NFKB1: variants seen among roughly 807,000 people sequenced by gnomAD.
The protein encoded by NFKB1 is nuclear factor NF-kappa-B p105 subunit.
In NFKB1, 9 loss-of-function variants were observed where a neutral mutation model predicts 105.1. The ratio of observed to expected loss-of-function variants is 0.09; its 90% confidence interval spans 0.05 to 0.15. The LOEUF (loss-of-function observed/expected upper bound fraction) is 0.15, where lower values mean the gene tolerates loss of function less well. Ranked by LOEUF, NFKB1 falls within the 10% of genes least tolerant of loss-of-function variation. NFKB1 has a pLI of 1.00. For synonymous variants in NFKB1, 440 were observed against 442.2 expected (o/e 1.00, Z 0.06); for missense variants, 830 against 1,203.7 (o/e 0.69, Z 4.59).
At chr4:102,524,054 A>G (rs1048332621) in intron 1 of NFKB1, among the ~76,000 whole-genome samples, 2 of 152,066 alleles carry the variant, frequency 1.3e-5, no homozygotes, top group African/African-American at 4.8e-5. Context: ...AAATAACCCC[A>G]GGAATTAATA....
intron 7 of NFKB1, chr4:102,578,092 A>C: frequency 8.7e-6 from 5 of 573,668 alleles, no homozygotes; most frequent in Non-Finnish European, 1.1e-5. Flanking sequence ...ATGATTTCTC[A>C]CTTTCCTGCC....
intron 3 of NFKB1, 55 bp from the exon 4 acceptor site, chr4:102,533,790 A>C: frequency 6.8e-7 from 1 of 1,480,760 alleles, no homozygotes; most frequent in South Asian, 1.2e-5. Context: ...TTTTATACCA[A>C]ATTTGAGAAG....
At chr4:102,599,343 C>CA (rs1162628391) in intron 15 of NFKB1, among the ~76,000 whole-genome samples, 4 of 152,152 alleles carry the variant, frequency 2.6e-5, no homozygotes, top group Non-Finnish European at 5.9e-5. Flanking sequence ...TCTCAAGTAG[C>CA]AAAATCACAA....
At chr4:102,585,325 G>A (rs1347145991) in intron 11 of NFKB1, among the ~76,000 whole-genome samples, 1 of 152,126 alleles carries the variant, frequency 6.6e-6, no homozygotes, top group Non-Finnish European at 1.5e-5. Context: ...ATTATTTTGA[G>A]GTCATGGAAT....
At chr4:102,507,582 G>A (rs999479275) in intron 1 of NFKB1, among the ~76,000 whole-genome samples, 1 of 152,034 alleles carries the variant, frequency 6.6e-6, no homozygotes, top group Non-Finnish European at 1.5e-5. Flanking sequence ...GATTACAGGC[G>A]TGAGCCACCT....
intron 16 of NFKB1, among the ~76,000 whole-genome samples, chr4:102,602,481 A>G (rs974460864): frequency 1.3e-5 from 2 of 151,728 alleles, no homozygotes; most frequent in South Asian, 2.1e-4. Context: ...TGAGCTTGCA[A>G]TGAGGCGAGA....
chr4:102,542,224 T>C (rs1200475336), intron 5 of NFKB1, among the ~76,000 whole-genome samples: 1 of 152,176 alleles, frequency 6.6e-6, no homozygotes, highest in Non-Finnish European at 1.5e-5. Flanking sequence ...TAGGCTAGCT[T>C]ACAGACCCTC....
At chr4:102,562,047 G>A (rs755119206) in intron 5 of NFKB1, among the ~76,000 whole-genome samples, 12 of 152,142 alleles carry the variant, frequency 7.9e-5, no homozygotes, top group Non-Finnish European at 1.6e-4. Context: ...GGGAAGTGGA[G>A]GAACAACCTG....
intron 15 of NFKB1, among the ~76,000 whole-genome samples, chr4:102,600,548 G>A (rs972235957): frequency 6.6e-6 from 1 of 152,122 alleles, no homozygotes; most frequent in Non-Finnish European, 1.5e-5. Flanking sequence ...GAAGAAAACC[G>A]CCCAAAGCCA....
chr4:102,541,256 A>G (rs1034395226), intron 5 of NFKB1, among the ~76,000 whole-genome samples: 1 of 152,198 alleles, frequency 6.6e-6, no homozygotes, highest in Non-Finnish European at 1.5e-5. Flanking sequence ...GGATGCAACA[A>G]AGAATCAACC....
chr4:102,547,352 C>G (rs1024605059), intron 5 of NFKB1, among the ~76,000 whole-genome samples: 6 of 152,118 alleles, frequency 3.9e-5, no homozygotes, highest in South Asian at 2.1e-4. Flanking sequence ...AGTTGAAGTC[C>G]TAGAAAGAGG....
chr4:102,616,286 A>G lies in NFKB1; in HGVS notation c.2750-148A>G, dbSNP rs1578844234. The G allele has an allele frequency of 1.0e-5, 8 of 791,108 alleles. No homozygotes were observed. In the East Asian group the frequency reaches 2.0e-4, roughly 20 times the overall value. 49.0% of individuals were successfully genotyped at this position (791,108 alleles called of 1,614,324 possible). ...GTCCCAAGTATCTTCTGCCCTTCCC[A>G]CCACGGTGAGCAGTCATGACAGTGA... On this transcript the variant is annotated intron_variant, in intron 23 of 23. Coordinates refer to ENST00000226574, the MANE Select transcript of NFKB1 (RefSeq NM_003998.4).
chr4:102,526,443 T>G (rs1031959033), intron 2 of NFKB1, among the ~76,000 whole-genome samples: 2 of 152,178 alleles, frequency 1.3e-5, no homozygotes, highest in Admixed American at 1.3e-4. Context: ...AACCCTGTTT[T>G]GACTACTATA....
At chr4:102,571,496 A>C (rs1432589441) in intron 6 of NFKB1, among the ~76,000 whole-genome samples, 1 of 152,226 alleles carries the variant, frequency 6.6e-6, no homozygotes, top group Non-Finnish European at 1.5e-5. Context: ...ATCTAATTAA[A>C]CTAAAGAGCT....
chr4:102,510,612 C>T (rs1479247611), intron 1 of NFKB1, among the ~76,000 whole-genome samples: 3 of 152,184 alleles, frequency 2.0e-5, no homozygotes, highest in African/African-American at 4.8e-5. Flanking sequence ...CCCATTTTGT[C>T]GATAATAAGT....
At chr4:102,516,168 A>G (rs894559713) in intron 1 of NFKB1, among the ~76,000 whole-genome samples, 1 of 150,794 alleles carries the variant, frequency 6.6e-6, no homozygotes, top group Non-Finnish European at 1.5e-5. Context: ...GTCCTTTGCT[A>G]TTTTGGGATT....
intron 11 of NFKB1, among the ~76,000 whole-genome samples, chr4:102,591,215 A>T (rs1726140232): frequency 6.6e-6 from 1 of 152,190 alleles, no homozygotes; most frequent in African/African-American, 2.4e-5. Flanking sequence ...ACAAGAAACA[A>T]CCTTCCATTG....
chr4:102,579,999 T>A (rs1443612975), intron 8 of NFKB1, among the ~76,000 whole-genome samples: 2 of 151,852 alleles, frequency 1.3e-5, no homozygotes, highest in Non-Finnish European at 2.9e-5. Flanking sequence ...CTTTATGCTA[T>A]TACCACAAGA....
intron 11 of NFKB1, among the ~76,000 whole-genome samples, chr4:102,588,454 TA>T (rs542006245): frequency 8.6e-4 from 123 of 143,526 alleles, no homozygotes; most frequent in South Asian, 1.5e-3. Context: ...CAAAAAAAAA[TA>T]AAAAAAAAAT....
Sources: allele counts gnomAD v4.1 joint callset (sites outside exome capture counted in the v4.1 genomes callset), GRCh38; gene constraint gnomAD v4.1.1; transcripts MANE v1.5; gene names NCBI Gene and HGNC (gene_info 2026-07-23, HGNC 2026-07-21).